The following FGF12 variants were observed in gnomAD, a reference collection of about 807,000 sequenced individuals.
FGF12 encodes the protein fibroblast growth factor 12.
FGF12 carries 14 observed loss-of-function variants against 23.6 expected under a neutral mutation model. The observed-to-expected ratio is 0.59, with a 90% CI of 0.39 to 0.93. The LOEUF (loss-of-function observed/expected upper bound fraction) is 0.93, where lower values mean the gene tolerates loss of function less well. FGF12 is among the 40% of genes least tolerant of loss of function. The pLI is 0.00. For synonymous variants in FGF12, 62 were observed against 77.3 expected (o/e 0.80, Z 1.04); for missense variants, 175 against 217.8 (o/e 0.80, Z 1.24).
rs77919061 is a variant in FGF12, at chr3:192,192,977, A to G, written c.229-22321T>C. Among the ~76,000 whole-genome samples the G allele has an allele frequency of 3.3e-3, 510 of 152,314 alleles. 8 individuals are homozygous for G. Among genetic ancestry groups the G allele is most frequent in the East Asian group, 0.032 (164 of 5,186 alleles). On this transcript the variant is annotated intron_variant, in intron 4 of 5. Transcript: ENST00000445105. ...AGTGTCAAGAATACTTTTAGCACCT[A>G]TACTGAGTGAAATATTGTTGCTGTA...
At chr3:192,532,749 T>A (rs562036594) in intron 2 of FGF12, among the ~76,000 whole-genome samples, 2 of 152,322 alleles carry the variant, frequency 1.3e-5, no homozygotes, top group South Asian at 4.1e-4. Flanking sequence ...GGAATTTGCC[T>A]TCAGGTATTT....
At chr3:192,491,716 G>A (rs371661501) in intron 2 of FGF12, among the ~76,000 whole-genome samples, 4 of 152,128 alleles carry the variant, frequency 2.6e-5, no homozygotes, top group African/African-American at 7.2e-5. Context: ...GTTCTCCATC[G>A]TCTTCCAGTA....
chr3:192,345,458 C>A (rs1292803788), intron 3 of FGF12, among the ~76,000 whole-genome samples: 1 of 102,628 alleles, frequency 9.7e-6, no homozygotes, highest in South Asian at 2.9e-4. Context: ...GAGGCCGAGG[C>A]GGGCGGATCA....
At chr3:192,149,714 T>C (rs2108584959) in intron 5 of FGF12, among the ~76,000 whole-genome samples, 1 of 54,042 alleles carries the variant, frequency 1.9e-5, no homozygotes, top group Non-Finnish European at 4.8e-5. Flanking sequence ...CAGTCTATCA[T>C]TGTTGGACAT....
chr3:192,636,152 T>G (rs967582105), intron 2 of FGF12, among the ~76,000 whole-genome samples: 7 of 152,190 alleles, frequency 4.6e-5, no homozygotes, highest in Non-Finnish European at 8.8e-5. Flanking sequence ...AATACAATCA[T>G]GTAATGTATA....
In FGF12 at chr3:192,514,469, G is replaced by A. The variant is rs1028930285; in HGVS notation, c.14-153931C>T. The stretch of plus-strand genomic sequence containing the variant: ...CGCGCTCTCCCTACAAAGCGTCGAT[G>A]ACTTCAGGGATTTAAAAGAAAAAAT... On this transcript the variant is annotated intron_variant, in intron 2 of 5. Transcript: ENST00000445105. The surrounding 1 kb of genome is among the most constrained non-coding windows in gnomAD (Gnocchi z 4.9). Among the ~76,000 whole-genome samples, 1 of 152,204 alleles carries A rather than the reference G, an allele frequency of 6.6e-6. No homozygotes were observed. Among genetic ancestry groups the A allele is most frequent in the Non-Finnish European group, 1.5e-5 (1 of 68,038 alleles).
intron 2 of FGF12, among the ~76,000 whole-genome samples, chr3:192,652,949 A>T (rs9852619): frequency 0.57 from 86,760 of 152,020 alleles, 25,173 homozygotes; most frequent in East Asian, 0.67. Context: ...AGGGCTACTG[A>T]AAGGGAGACT....
chr3:192,598,819 C>T (rs1713973752), intron 2 of FGF12, among the ~76,000 whole-genome samples: 1 of 152,146 alleles, frequency 6.6e-6, no homozygotes, highest in Admixed American at 6.6e-5. Context: ...TTTCCTCTCA[C>T]TCTAAATTCC....
At chr3:192,372,812 C>G (rs1719294761) in intron 2 of FGF12, among the ~76,000 whole-genome samples, 2 of 152,168 alleles carry the variant, frequency 1.3e-5, no homozygotes, top group Admixed American at 6.5e-5. Flanking sequence ...AAGAAAACGT[C>G]AGACCCTTAG....
intron 4 of FGF12, among the ~76,000 whole-genome samples, chr3:192,175,691 A>T (rs1048630574): frequency 2.6e-5 from 4 of 152,176 alleles, no homozygotes; most frequent in African/African-American, 9.7e-5. Flanking sequence ...GCCTTGCCTC[A>T]AAAGTTAAAA....
intron 4 of FGF12, among the ~76,000 whole-genome samples, chr3:192,288,240 T>C (rs1714565507): frequency 6.6e-6 from 1 of 152,004 alleles, no homozygotes; most frequent in Non-Finnish European, 1.5e-5. Context: ...AACAATTACC[T>C]AACAGAAAAA....
chr3:192,483,222 T>C (rs1005481102), intron 2 of FGF12, among the ~76,000 whole-genome samples: 1 of 152,176 alleles, frequency 6.6e-6, no homozygotes, highest in African/African-American at 2.4e-5. Flanking sequence ...TGTCTTTTAA[T>C]ACATTATTAC....
intron 2 of FGF12, among the ~76,000 whole-genome samples, chr3:192,657,396 C>G (rs1716468262): frequency 6.9e-6 from 1 of 145,486 alleles, no homozygotes; most frequent in African/African-American, 2.5e-5. Flanking sequence ...TTGGAACTGC[C>G]TCTTTTTAAC....
chr3:192,247,740 C>T, intron 4 of FGF12, among the ~76,000 whole-genome samples: 1 of 152,122 alleles, frequency 6.6e-6, no homozygotes, highest in East Asian at 1.9e-4. Context: ...AAAAAACAGT[C>T]AACAGCTTCT....
At chr3:192,584,886 T>A (rs1236868927) in intron 2 of FGF12, among the ~76,000 whole-genome samples, 1 of 152,070 alleles carries the variant, frequency 6.6e-6, no homozygotes, top group African/African-American at 2.4e-5. Context: ...TGCCCCTCCA[T>A]AAAGAATGCC....
At chr3:192,419,444 T>C (rs1213136268) in intron 2 of FGF12, among the ~76,000 whole-genome samples, 7 of 152,162 alleles carry the variant, frequency 4.6e-5, no homozygotes, top group Non-Finnish European at 8.8e-5. Flanking sequence ...CCTGTGTGTG[T>C]AGAGGCAAAC....
chr3:192,475,894 AATAG>A (rs1723303011), intron 2 of FGF12, among the ~76,000 whole-genome samples: 2 of 152,170 alleles, frequency 1.3e-5, no homozygotes, highest in East Asian at 1.9e-4. Context: ...ATAGATAGAT[AATAG>A]ATAGATGGTA....
At chr3:192,581,474 ATGTG>A (rs889932633) in intron 2 of FGF12, among the ~76,000 whole-genome samples, 1 of 121,576 alleles carries the variant, frequency 8.2e-6, no homozygotes, top group African/African-American at 3.3e-5. Flanking sequence ...ATGTATATAT[ATGTG>A]TGTGTGTGTA....
chr3:192,378,700 A>C (rs962170293), intron 2 of FGF12, among the ~76,000 whole-genome samples: 1 of 151,924 alleles, frequency 6.6e-6, no homozygotes, highest in Non-Finnish European at 1.5e-5. Context: ...TCCAAGAATC[A>C]AAAGCACTTT....
Sources: allele counts gnomAD v4.1 joint callset (sites outside exome capture counted in the v4.1 genomes callset), GRCh38; gene constraint gnomAD v4.1.1; non-coding constraint Gnocchi (gnomAD v3.1); transcripts MANE v1.5; gene names NCBI Gene and HGNC (gene_info 2026-07-23, HGNC 2026-07-21).